SLC45A3: variants seen among roughly 807,000 people sequenced by gnomAD.
The protein encoded by SLC45A3 is solute carrier family 45 member 3.
In SLC45A3, 17 loss-of-function variants were observed where a neutral mutation model predicts 35.3. The observed-to-expected ratio is 0.48, with a 90% CI of 0.33 to 0.72. The LOEUF is 0.72. Among genes scored for constraint, SLC45A3 ranks in the 30% least tolerant of loss-of-function variants. The probability of loss-of-function intolerance (pLI) is 0.02; values close to 1 mark genes in which losing one functional copy is unlikely to be tolerated. For missense variants in SLC45A3, 597 were observed against 731.7 expected (o/e 0.82, Z 2.12); for synonymous variants, 288 against 334.3 (o/e 0.86, Z 1.51).
chr1:205,662,556 C>T lies in SLC45A3; in HGVS notation c.958+277G>A. 2 of 1,313,008 alleles carry T rather than the reference C, an allele frequency of 1.5e-6. No homozygotes were observed. The highest frequency in any genetic ancestry group is 4.8e-5 in the South Asian group (2 of 41,856). The allele number at this position is 1,313,008 out of a possible 1,614,324, so 81.3% of individuals were successfully genotyped here. A position where few individuals can be genotyped will look rare whatever the true frequency, so the allele number is the denominator to read the frequency against. On this transcript the variant is annotated intron_variant, in intron 3 of 4. Coordinates refer to ENST00000367145, the MANE Select transcript of SLC45A3 (RefSeq NM_033102.3). The surrounding 1 kb of genome is among the most constrained non-coding windows in gnomAD (Gnocchi z 6.2). ...ATCTGAAATCCAGCCTTAACTCCTC[C>T]ACTCCCTCTAGACTTTGAATAAGCT...
chr1:205,676,757 G>A (rs555680390), intron 1 of SLC45A3, among the ~76,000 whole-genome samples: 10 of 152,288 alleles, frequency 6.6e-5, no homozygotes, highest in East Asian at 5.8e-4. Flanking sequence ...GGAGCATCCC[G>A]TGATGGCTCT....
intron 1 of SLC45A3, among the ~76,000 whole-genome samples, chr1:205,676,463 G>A (rs762057925): frequency 1.3e-5 from 2 of 152,194 alleles, no homozygotes; most frequent in African/African-American, 4.8e-5. Flanking sequence ...GAAGGGGAAA[G>A]GAACAAACAT....
chr1:205,669,976 G>A lies in SLC45A3; in HGVS notation c.-230-5090C>T, dbSNP rs1047901129. Among the ~76,000 whole-genome samples, 1 of 152,228 alleles carries A rather than the reference G, an allele frequency of 6.6e-6. No individual in the cohort carries two copies. The highest frequency in any genetic ancestry group is 1.5e-5 in the Non-Finnish European group (1 of 68,038). The stretch of plus-strand genomic sequence containing the variant: ...GGGTCCTCTAGGTTGGGGGCAGGGA[G>A]TGGACCTCTCAGGTCTGGGGGTTCC... On this transcript the variant is annotated intron_variant, in intron 1 of 4. Coordinates refer to ENST00000367145, the MANE Select transcript of SLC45A3 (RefSeq NM_033102.3). The surrounding 1 kb of genome is among the most constrained non-coding windows in gnomAD (Gnocchi z 4.1).
Position 205,663,606 on chromosome 1 carries a change from A to G in SLC45A3, c.185T>C (p.Val62Ala). Residue 62 changes from valine (V) to alanine (A), a missense_variant, in exon 3 of 5, where the codon GTG becomes GCG. Val to Ala is a moderately conservative substitution (Grantham distance 64). This residue lies in a region of SLC45A3 where 555 missense variants were observed against 664.9 expected (regional missense o/e 0.83). Coordinates refer to ENST00000367145, the MANE Select transcript of SLC45A3 (RefSeq NM_033102.3). Reference sequence around the variant, plus strand: ...GAGCGGGACACAGACCAGGCCCAGCACTGGACCAATGCCTGCAAGAAGGGA... The same window carrying G: ...GAGCGGGACACAGACCAGGCCCAGCGCTGGACCAATGCCTGCAAGAAGGGA... ...FMTMVLGIGP[V>A]LGLVCVPLLG... The G allele has an allele frequency of 6.3e-7, 1 of 1,584,826 alleles. No homozygotes were observed.
In SLC45A3 at chr1:205,659,459, C is replaced by T; in HGVS notation, c.1437G>A (p.Glu479=). The change falls in exon 5 of 5, where the codon GAG becomes GAA. Residue 479 remains glutamate (E), a synonymous_variant. Transcript: ENST00000367145. This position sits in a 1 kb window ranked among gnomAD's most constrained non-coding sequence, Gnocchi z 5.8. ...TGCCCCGGCCCGGAACCACCCTGGCCTCGGTGGGCTCACCCACCACCACAC... is the reference window on the plus strand; with the variant it reads ...TGCCCCGGCCCGGAACCACCCTGGCTTCGGTGGGCTCACCCACCACCACAC... ...SVRVVVGEPT[E]ARVVPGRGIC... is the part of the protein sequence containing the mutation. 1.2e-6 allele frequency: 2 copies of T among 1,614,082 alleles called. No homozygotes were observed. The highest frequency in any genetic ancestry group is 2.2e-5 in the South Asian group (2 of 91,080).
chr1:205,668,521 G>A (rs1033002421), intron 1 of SLC45A3, among the ~76,000 whole-genome samples: 2 of 151,994 alleles, frequency 1.3e-5, no homozygotes, highest in African/African-American at 2.4e-5. Flanking sequence ...CCAAGTCTGC[G>A]GAACTCCCCT....
chr1:205,673,052 C>T (rs924938528), intron 1 of SLC45A3, among the ~76,000 whole-genome samples: 2 of 152,278 alleles, frequency 1.3e-5, no homozygotes, highest in African/African-American at 4.8e-5. Context: ...ACCCCAGCCG[C>T]ACTTACCCCA....
chr1:205,678,026 T>C (rs1057262549), intron 1 of SLC45A3, among the ~76,000 whole-genome samples: 6 of 152,164 alleles, frequency 3.9e-5, no homozygotes, highest in African/African-American at 1.2e-4. Flanking sequence ...ATATAGAAAC[T>C]TTCTTTCTGG....
rs1190242038 is a variant in SLC45A3 at position 205,664,632 on chromosome 1, G to A, written c.25C>T (p.Arg9Cys). The A allele has an allele frequency of 6.2e-6, 10 of 1,614,102 alleles. No individual in the cohort carries two copies. The highest frequency in any genetic ancestry group is 2.2e-5 in the East Asian group (1 of 44,904). Residue 9 changes from arginine (R) to cysteine (C), a missense_variant, in exon 2 of 5, where the codon CGC (arginine) becomes TGC (cysteine). Transcript: ENST00000367145. This position sits in a 1 kb window ranked among gnomAD's most constrained non-coding sequence, Gnocchi z 5.3. The stretch of plus-strand genomic sequence containing the variant: ...TGGGCTTTCCGGTGCCGCAGCAGGC[G>A]GCTCACCCACAGCCTCTGGACCATA... MVQRLWVSRLLRHRKAQLL... is the reference protein window; with the variant it reads MVQRLWVSCLLRHRKAQLL...
intron 1 of SLC45A3, among the ~76,000 whole-genome samples, chr1:205,676,348 A>T (rs901980764): frequency 3.3e-5 from 5 of 152,102 alleles, no homozygotes; most frequent in African/African-American, 1.2e-4. Context: ...TATCCTGGAT[A>T]TGGTGACTGG....
In SLC45A3 at chr1:205,664,617, G is replaced by A. The variant is rs372164504; in HGVS notation, c.40C>T (p.Arg14Trp). 2.0e-5 allele frequency: 33 copies of A among 1,614,120 alleles called. No homozygotes were observed. Among genetic ancestry groups the A allele is most frequent in the East Asian group, 4.5e-5 (2 of 44,906 alleles). ...RLWVSRLLRHRKAQLLLVNLL... is the reference protein window; with the variant it reads ...RLWVSRLLRHWKAQLLLVNLL... ...TTGACCAGCAAGAGCTGGGCTTTCC[G>A]GTGCCGCAGCAGGCGGCTCACCCAC... The change falls in exon 2 of 5, where the codon CGG becomes TGG. Residue 14 changes from arginine (R) to tryptophan (W), a missense_variant. Arg to Trp is a moderately radical substitution (Grantham distance 101, BLOSUM62 -3). Around this residue, in one of 3 missense-constraint regions of SLC45A3, gnomAD observed 37 missense variants for 41.1 expected, o/e 0.90. Transcript: ENST00000367145. This position sits in a 1 kb window ranked among gnomAD's most constrained non-coding sequence, Gnocchi z 5.3.
intron 1 of SLC45A3, among the ~76,000 whole-genome samples, chr1:205,679,786 C>T (rs1399573707): frequency 1.3e-5 from 2 of 151,666 alleles, no homozygotes. Flanking sequence ...AGGGCTCAGT[C>T]CCCTTTCCCT....
intron 1 of SLC45A3, among the ~76,000 whole-genome samples, chr1:205,677,220 T>C (rs934528280): frequency 2.0e-5 from 3 of 152,166 alleles, no homozygotes; most frequent in African/African-American, 7.2e-5. Flanking sequence ...AGTCACACAG[T>C]AGCAGAGTAG....
In SLC45A3 at chr1:205,664,531, C is replaced by G; in HGVS notation, c.126G>C (p.Leu42=). 6.2e-7 allele frequency: 1 copy of G among 1,614,204 alleles called. No individual in the cohort carries two copies. Among genetic ancestry groups the G allele is most frequent in the South Asian group, 1.1e-5 (1 of 91,084 alleles). ...LAAGITYVPP[L]LLEVGVEEKF... ...TCTCCTCTACCCCCACTTCCAGCAGCAGAGGCGGCACATAGGTGATGCCTG... is the reference window on the plus strand; with the variant it reads ...TCTCCTCTACCCCCACTTCCAGCAGGAGAGGCGGCACATAGGTGATGCCTG... Residue 42 remains leucine (L), a synonymous_variant, in exon 2 of 5, where the codon CTG becomes CTC. Transcript: ENST00000367145. The surrounding 1 kb of genome is among the most constrained non-coding windows in gnomAD (Gnocchi z 5.3).
At chr1:205,661,172 G>A (rs1434487980) in intron 4 of SLC45A3, among the ~76,000 whole-genome samples, 1 of 152,156 alleles carries the variant, frequency 6.6e-6, no homozygotes, top group Admixed American at 6.5e-5. Flanking sequence ...CCCAAGGAAA[G>A]GGGCCCCTGG....
rs1670969159 is a variant in SLC45A3 at position 205,659,015 on chromosome 1, C to G, written c.*219G>C. 1 of 569,172 alleles carries G rather than the reference C, an allele frequency of 1.8e-6. No individual in the cohort carries two copies. The highest frequency in any genetic ancestry group is 2.2e-5 in the South Asian group (1 of 44,968). The allele number at this position is 569,172 out of a possible 1,614,324, so 35.3% of individuals were successfully genotyped here. ...GACTGAAACCCCCTTGGAAGGCCTC[C>G]AGTCAGGCAGCCCTAGAGACTGGGG... On this transcript the variant is annotated 3_prime_UTR_variant, in exon 5 of 5. Coordinates refer to ENST00000367145, the MANE Select transcript of SLC45A3 (RefSeq NM_033102.3). The surrounding 1 kb of genome is among the most constrained non-coding windows in gnomAD (Gnocchi z 5.8).
At chr1:205,676,182 G>A (rs78347477) in intron 1 of SLC45A3, among the ~76,000 whole-genome samples, 4,676 of 152,246 alleles carry the variant, frequency 0.031, 112 homozygotes, top group Non-Finnish European at 0.046. Flanking sequence ...GATGGGCCAG[G>A]CACTCCTAGC....
chr1:205,672,180 C>T (rs112479078), intron 1 of SLC45A3, among the ~76,000 whole-genome samples: 2,489 of 152,160 alleles, frequency 0.016, 54 homozygotes, highest in African/African-American at 0.053. Context: ...TTAGGGGAGA[C>T]CAAGTACACT....
chr1:205,658,894 A>C lies in SLC45A3; in HGVS notation c.*340T>G. On this transcript the variant is annotated 3_prime_UTR_variant, in exon 5 of 5. Transcript: ENST00000367145. The stretch of plus-strand genomic sequence containing the variant: ...ACCCTTCTCTAGGTGTGTCTCAACT[A>C]GGAGGCTAGCTGTTAACCCTGAGCC... 1 of 308,808 alleles carries C rather than the reference A, an allele frequency of 3.2e-6. No individual in the cohort carries two copies. The allele number at this position is 308,808 out of a possible 1,614,324, so 19.1% of individuals were successfully genotyped here. A position where few individuals can be genotyped will look rare whatever the true frequency, so the allele number is the denominator to read the frequency against.
Sources: allele counts gnomAD v4.1 joint callset (sites outside exome capture counted in the v4.1 genomes callset), GRCh38; gene constraint gnomAD v4.1.1; regional missense constraint gnomAD v4.1.1; non-coding constraint Gnocchi (gnomAD v3.1); transcripts MANE v1.5; gene names NCBI Gene and HGNC (gene_info 2026-07-23, HGNC 2026-07-21).